The following SAMMSON variants were observed in gnomAD, a reference collection of about 807,000 sequenced individuals.
SAMMSON encodes the protein long intergenic non-protein coding RNA 1212.
At chr3:70,099,628 A>T (rs2067335162) in intron 4 of SAMMSON, among the ~76,000 whole-genome samples, 1 of 152,126 alleles carries the variant, frequency 6.6e-6, no homozygotes, top group Non-Finnish European at 1.5e-5. Context: ...TGCCAAAATT[A>T]TTAATATTTT....
chr3:70,075,644 A>G (rs2067245722), intron 4 of SAMMSON, among the ~76,000 whole-genome samples: 1 of 152,122 alleles, frequency 6.6e-6, no homozygotes, highest in Non-Finnish European at 1.5e-5. Context: ...ACCTGCTTAT[A>G]TTAAAATGAC....
intron 4 of SAMMSON, among the ~76,000 whole-genome samples, chr3:70,229,621 C>T (rs1465774439): frequency 2.6e-5 from 4 of 152,112 alleles, no homozygotes; most frequent in African/African-American, 9.7e-5. Flanking sequence ...TGATTCTTCA[C>T]GTTTTATTCT....
chr3:70,092,902 G>GTTTTTTTTTTT (rs5849939), intron 4 of SAMMSON, among the ~76,000 whole-genome samples: 1 of 138,176 alleles, frequency 7.2e-6, no homozygotes. Flanking sequence ...TAGTGTTTTT[G>GTTTTTTTTTTT]TTTTTTTTTT....
At chr3:70,346,004 C>T (rs1702747593) in intron 7 of SAMMSON, among the ~76,000 whole-genome samples, 1 of 152,158 alleles carries the variant, frequency 6.6e-6, no homozygotes, top group South Asian at 2.1e-4. Flanking sequence ...CCAAGGAGCA[C>T]AATTGCTGGA....
At chr3:70,337,090 A>ATT (rs1702669275) in intron 7 of SAMMSON, among the ~76,000 whole-genome samples, 1 of 41,002 alleles carries the variant, frequency 2.4e-5, no homozygotes, top group African/African-American at 8.4e-5. Context: ...TATTCTTATT[A>ATT]ATAATAATAT....
chr3:70,246,404 T>A (rs2106646474), intron 4 of SAMMSON, among the ~76,000 whole-genome samples: 1 of 152,162 alleles, frequency 6.6e-6, no homozygotes, highest in South Asian at 2.1e-4. Flanking sequence ...CTGCTTGGTA[T>A]CTCATCATTG....
At chr3:70,181,351 A>T in intron 4 of SAMMSON, among the ~76,000 whole-genome samples, 1 of 152,206 alleles carries the variant, frequency 6.6e-6, no homozygotes, top group Non-Finnish European at 1.5e-5. Flanking sequence ...GTTTTAAGCT[A>T]AAGGAATGCA....
chr3:70,237,352 A>T (rs550424597), intron 4 of SAMMSON, among the ~76,000 whole-genome samples: 1 of 152,158 alleles, frequency 6.6e-6, no homozygotes, highest in Non-Finnish European at 1.5e-5. Flanking sequence ...TTTATTTCCC[A>T]TCCCTCTCAT....
intron 3 of SAMMSON, among the ~76,000 whole-genome samples, chr3:70,030,091 A>G (rs1038584872): frequency 6.6e-6 from 1 of 152,242 alleles, no homozygotes; most frequent in African/African-American, 2.4e-5. Flanking sequence ...AATTGGCATG[A>G]CAATGTAAAG....
intron 7 of SAMMSON, among the ~76,000 whole-genome samples, chr3:70,325,667 C>G (rs1415355684): frequency 1.3e-5 from 2 of 152,100 alleles, no homozygotes; most frequent in African/African-American, 4.8e-5. Context: ...CACCCTCTTT[C>G]AAAGGAATAA....
intron 3 of SAMMSON, among the ~76,000 whole-genome samples, chr3:70,052,716 G>A (rs1031808139): frequency 1.3e-5 from 2 of 152,190 alleles, no homozygotes; most frequent in South Asian, 4.2e-4. Context: ...TTGTGAGGGG[G>A]TGTTCTGTGC....
At chr3:70,391,196 A>G (rs1176973058), downstream of SAMMSON, among the ~76,000 whole-genome samples, 1 of 152,148 alleles carries the variant, frequency 6.6e-6, no homozygotes, top group African/African-American at 2.4e-5. Flanking sequence ...ATCTCTGAAA[A>G]CTAGTTTAGA....
chr3:70,119,330 G>C (rs2067423880), intron 4 of SAMMSON, among the ~76,000 whole-genome samples: 1 of 152,180 alleles, frequency 6.6e-6, no homozygotes, highest in Non-Finnish European at 1.5e-5. Context: ...GTCTCCCAAA[G>C]TGCTGGGATT....
intron 4 of SAMMSON, among the ~76,000 whole-genome samples, chr3:70,086,172 C>T (rs2106643987): frequency 6.6e-6 from 1 of 152,278 alleles, no homozygotes; most frequent in Non-Finnish European, 1.5e-5. Flanking sequence ...ATCTTTGGTG[C>T]TGACAAAAAT....
intron 3 of SAMMSON, among the ~76,000 whole-genome samples, chr3:70,025,846 A>T (rs912136140): frequency 6.6e-6 from 1 of 152,166 alleles, no homozygotes; most frequent in East Asian, 1.9e-4. Context: ...AAATGTTATT[A>T]AAAAAATTGT....
downstream of SAMMSON, among the ~76,000 whole-genome samples, chr3:70,392,947 A>C (rs1163129851): frequency 6.6e-6 from 1 of 152,114 alleles, no homozygotes; most frequent in Non-Finnish European, 1.5e-5. Flanking sequence ...GGCAGATTTT[A>C]ATTCGCATTG....
At chr3:70,398,003 C>T (rs1005867327) in intron 2 of SAMMSON, among the ~76,000 whole-genome samples, 2 of 152,104 alleles carry the variant, frequency 1.3e-5, no homozygotes, top group Non-Finnish European at 2.9e-5. Context: ...TTTTTTCTCA[C>T]TGAATCATCT....
At chr3:70,178,393 T>C (rs1362192302) in intron 4 of SAMMSON, among the ~76,000 whole-genome samples, 1 of 152,178 alleles carries the variant, frequency 6.6e-6, no homozygotes, top group East Asian at 1.9e-4. Context: ...TTAAAGGACA[T>C]ACCCTGGCTG....
intron 4 of SAMMSON, among the ~76,000 whole-genome samples, chr3:70,187,936 G>A (rs749604380): frequency 2.0e-5 from 3 of 152,086 alleles, no homozygotes; most frequent in African/African-American, 4.8e-5. Flanking sequence ...ATAAAAAGAG[G>A]CCATGTAGCA....
Sources: allele counts gnomAD v4.1 joint callset (sites outside exome capture counted in the v4.1 genomes callset), GRCh38; gene constraint gnomAD v4.1.1; transcripts MANE v1.5; gene names NCBI Gene and HGNC (gene_info 2026-07-23, HGNC 2026-07-21).